Variants in MRC2 observed in about 807,000 individuals in gnomAD.
MRC2 encodes C-type mannose receptor 2.
MRC2 carries 84 observed loss-of-function variants against 206.2 expected under a neutral mutation model. That is an observed-to-expected ratio of 0.41 (90% CI 0.34 to 0.49). The LOEUF is 0.49. MRC2 is among the 20% of genes least tolerant of loss of function. The pLI is 0.31. For missense variants in MRC2, 1,676 were observed against 2,001.5 expected, an observed-to-expected ratio of 0.84 and a Z score of 3.10; for synonymous variants, 798 against 800.0, an observed-to-expected ratio of 1.00 and a Z score of 0.04.
Position 62,692,562 on chromosome 17 carries a change from TG to T in MRC2, c.*114del. On this transcript the variant is annotated 3_prime_UTR_variant, in exon 30 of 30. Transcript: ENST00000303375. The surrounding 1 kb of genome is among the most constrained non-coding windows in gnomAD (Gnocchi z 4.2). The stretch of plus-strand genomic sequence containing the variant: ...CAGTTGGCCTATGGAAGGGTGCCCT[TG>T]GGAGTCGCTGTTGGGAGCCGGAGCT... 1.8e-6 allele frequency: 2 copies of T among 1,118,968 alleles called. No homozygotes were observed. Among genetic ancestry groups the T allele is most frequent in the Non-Finnish European group, 2.5e-6 (2 of 792,450 alleles). The allele number at this position is 1,118,968 out of a possible 1,614,324, so 69.3% of individuals were successfully genotyped here.
chr17:62,646,018 T>C (rs1338480439), intron 1 of MRC2, among the ~76,000 whole-genome samples: 1 of 148,412 alleles, frequency 6.7e-6, no homozygotes, highest in African/African-American at 2.6e-5. Flanking sequence ...TCTCTGTCCT[T>C]TTCTATTTTT....
rs749330836 is a variant in MRC2, at chr17:62,678,586, T to C, written c.2135T>C (p.Leu712Pro). 4.8e-5 allele frequency: 78 copies of C among 1,609,654 alleles called. No homozygotes were observed. Among genetic ancestry groups the C allele is most frequent in the Non-Finnish European group, 6.4e-5 (75 of 1,178,920 alleles). The part of the protein sequence containing the change: ...GACQELGAQL[L>P]SLASYEEEHF... ...TGCCAGGAGCTGGGGGCCCAGCTGCTGAGCCTGGCCAGCTACGAGGAGGAG... is the reference window on the plus strand; with the variant it reads ...TGCCAGGAGCTGGGGGCCCAGCTGCCGAGCCTGGCCAGCTACGAGGAGGAG... The change falls in exon 13 of 30, where the codon CTG (leucine) becomes CCG (proline). Residue 712 changes from leucine (L) to proline (P), a missense_variant. Around this residue, in one of 3 missense-constraint regions of MRC2, gnomAD observed 1,354 missense variants for 1,636.6 expected, o/e 0.83. Transcript: ENST00000303375.
intron 1 of MRC2, among the ~76,000 whole-genome samples, chr17:62,635,191 C>CTTTTTTTTTTTTTT (rs35446845): frequency 9.8e-6 from 1 of 101,764 alleles, no homozygotes; most frequent in African/African-American, 3.8e-5. Context: ...CTATTTTTCT[C>CTTTTTTTTTTTTTT]TTTTTTTTTT....
Position 62,692,665 on chromosome 17 carries a change from T to G in MRC2, c.*214T>G. Reference sequence around the variant, plus strand: ...GACCCAGCTGAGTGCAGCGTGGCGTTTCCCTTTCTGGGGGGGCCTGAGGTC... The same window carrying G: ...GACCCAGCTGAGTGCAGCGTGGCGTGTCCCTTTCTGGGGGGGCCTGAGGTC... On this transcript the variant is annotated 3_prime_UTR_variant, in exon 30 of 30. Transcript: ENST00000303375. The surrounding 1 kb of genome is among the most constrained non-coding windows in gnomAD (Gnocchi z 4.2). The G allele has an allele frequency of 3.6e-6, 2 of 549,612 alleles. No homozygotes were observed. The highest frequency in any genetic ancestry group is 6.5e-6 in the Non-Finnish European group (2 of 308,262). The allele number at this position is 549,612 out of a possible 1,614,324, so 34.0% of individuals were successfully genotyped here.
At chr17:62,689,007 C>T (rs538964501) in intron 23 of MRC2, 47 bp downstream of exon 23, 9 of 1,467,174 alleles carry the variant, frequency 6.1e-6, no homozygotes, top group Admixed American at 5.3e-5. Context: ...GCCCTGGCAC[C>T]GGGCTGGATG....
chr17:62,689,956 G>T lies in MRC2; in HGVS notation c.3636G>T (p.Gly1212=). The stretch of plus-strand genomic sequence containing the variant: ...TGAACTACGTGGGCTGGCAGGACGG[G>T]GAGCCGCAGCAGCCGGGGGGCTGTA... ...EPLNYVGWQD[G]EPQQPGGCTY... is the part of the protein sequence containing the mutation. The change falls in exon 25 of 30, where the codon GGG becomes GGT. Residue 1212 remains glycine (G), a synonymous_variant. Coordinates refer to ENST00000303375, the MANE Select transcript of MRC2 (RefSeq NM_006039.5). 6.2e-7 allele frequency: 1 copy of T among 1,612,050 alleles called. No individual in the cohort carries two copies. Among genetic ancestry groups the T allele is most frequent in the Non-Finnish European group, 8.5e-7 (1 of 1,179,768 alleles).
Position 62,627,820 on chromosome 17 carries a change from G to T in MRC2, c.18G>T (p.Pro6=), listed in dbSNP as rs766166310. Residue 6 remains proline, a synonymous_variant, in exon 1 of 30, where the codon CCG becomes CCT. Transcript: ENST00000303375. MGPGR[P]APAPWPRHLL... ...GCTCGGGGATGGGGCCCGGCCGGCC[G>T]GCCCCCGCGCCCTGGCCTCGTCACC... 1.6e-5 allele frequency: 23 copies of T among 1,447,766 alleles called. No individual in the cohort carries two copies. The highest frequency in any genetic ancestry group is 1.9e-5 in the Non-Finnish European group (21 of 1,108,644). The allele number at this position is 1,447,766 out of a possible 1,614,324, so 89.7% of individuals were successfully genotyped here. A position where few individuals can be genotyped will look rare whatever the true frequency, so the allele number is the denominator to read the frequency against.
chr17:62,671,911 C>G lies in MRC2; in HGVS notation c.1306+74C>G. 1 of 1,601,502 alleles carries G rather than the reference C, an allele frequency of 6.2e-7. No individual in the cohort carries two copies. The highest frequency in any genetic ancestry group is 8.5e-7 in the Non-Finnish European group (1 of 1,171,898). Reference sequence around the variant, plus strand: ...CTGCCCCACCCATCCTGTCCAGGAGCCTCAGAGAATGTTCCTTCCTCCCTA... The same window carrying G: ...CTGCCCCACCCATCCTGTCCAGGAGGCTCAGAGAATGTTCCTTCCTCCCTA... On this transcript the variant is annotated intron_variant, in intron 7 of 29. Transcript: ENST00000303375. The surrounding 1 kb of genome is among the most constrained non-coding windows in gnomAD (Gnocchi z 4.5).
In MRC2 at chr17:62,685,448, CAG is replaced by C. The variant is rs549974416; in HGVS notation, c.2947-2839_2947-2838del. ...GTTCTTTTTCCATCCACTTTTTAAA[CAG>C]AATGTATTTTATATATGTAATAGGT... On this transcript the variant is annotated intron_variant, in intron 20 of 29. Coordinates refer to ENST00000303375, the MANE Select transcript of MRC2 (RefSeq NM_006039.5). 4.3e-3 allele frequency among the ~76,000 whole-genome samples: 656 copies of C among 152,266 alleles called. 7 individuals carry two copies. Among genetic ancestry groups the C allele is most frequent in the African/African-American group, 0.015 (622 of 41,544 alleles).
At chr17:62,686,551 G>T (rs2465440) in intron 20 of MRC2, among the ~76,000 whole-genome samples, 41,939 of 152,054 alleles carry the variant, frequency 0.28, 7,313 homozygotes, top group Non-Finnish European at 0.4. Flanking sequence ...CCTTCGCCCC[G>T]CTGCTCACCT....
At chr17:62,669,085 AACACACAC>A (rs72222842) in intron 6 of MRC2, among the ~76,000 whole-genome samples, 9,560 of 143,116 alleles carry the variant, frequency 0.067, 660 homozygotes, top group African/African-American at 0.16. Context: ...AAAATATGGC[AACACACAC>A]ACACACACAC....
At chr17:62,633,412 GGAATTGCTT>G in intron 1 of MRC2, among the ~76,000 whole-genome samples, 1 of 151,206 alleles carries the variant, frequency 6.6e-6, no homozygotes, top group African/African-American at 2.4e-5. Context: ...CTGAGGCAGG[GGAATTGCTT>G]GAACCCAGGA....
intron 1 of MRC2, among the ~76,000 whole-genome samples, chr17:62,655,921 CTTTT>C (rs1285886325): frequency 1.3e-5 from 2 of 151,972 alleles, no homozygotes; most frequent in Admixed American, 6.6e-5. Flanking sequence ...GCTGTATCTT[CTTTT>C]GATTCCTAGG....
chr17:62,677,960 G>A (rs1425283374), intron 12 of MRC2, among the ~76,000 whole-genome samples: 1 of 152,228 alleles, frequency 6.6e-6, no homozygotes, highest in African/African-American at 2.4e-5. Context: ...TGAGGCAGGA[G>A]AATGGCATGA....
intron 1 of MRC2, among the ~76,000 whole-genome samples, chr17:62,653,011 A>G (rs570684938): frequency 1.3e-5 from 2 of 151,904 alleles, no homozygotes; most frequent in East Asian, 3.9e-4. Flanking sequence ...TGGGGGAGAA[A>G]GGGGTCAAGG....
In MRC2 at chr17:62,675,451, A is replaced by C. The variant is rs1035746981; in HGVS notation, c.1570-339A>C. ...CTTTAGCTGTGGTTTCCCAGCCAAC[A>C]GTAATTTCCCCACTGTGTCTCTTGG... On this transcript the variant is annotated intron_variant, in intron 9 of 29. Coordinates refer to ENST00000303375, the MANE Select transcript of MRC2 (RefSeq NM_006039.5). The surrounding 1 kb of genome is among the most constrained non-coding windows in gnomAD (Gnocchi z 4.1). Among the ~76,000 whole-genome samples, 15 of 152,314 alleles carry C rather than the reference A, an allele frequency of 9.8e-5. No individual in the cohort carries two copies. Among genetic ancestry groups the C allele is most frequent in the African/African-American group, 3.6e-4 (15 of 41,564 alleles).
At chr17:62,687,018 A>G (rs1427830614) in intron 20 of MRC2, among the ~76,000 whole-genome samples, 2 of 152,190 alleles carry the variant, frequency 1.3e-5, no homozygotes, top group East Asian at 3.8e-4. Context: ...AATCCTTAAA[A>G]TGATCCCCAA....
rs2088859755 is a variant in MRC2, at chr17:62,674,080, C to T, written c.1479C>T (p.Asp493=). 1.3e-6 allele frequency: 2 copies of T among 1,552,772 alleles called. No individual in the cohort carries two copies. The highest frequency in any genetic ancestry group is 8.7e-7 in the Non-Finnish European group (1 of 1,147,658). The change falls in exon 9 of 30, where the codon GAC becomes GAT. Residue 493 remains aspartate, a synonymous_variant. Transcript: ENST00000303375. ...GTCCGTAGGAAGGCCGCTGGAACGA[C>T]AGTCCCTGTAACCAGTCCTTGCCAT... ...TIWGPEGRWN[D]SPCNQSLPSI...
chr17:62,687,075 TA>T (rs2089040975), intron 20 of MRC2, among the ~76,000 whole-genome samples: 1 of 152,198 alleles, frequency 6.6e-6, no homozygotes, highest in Non-Finnish European at 1.5e-5. Flanking sequence ...ATTGAGGCCA[TA>T]AGGTTGTCAG....
Sources: gnomAD v4.1 joint callset for allele counts (sites outside exome capture counted in the v4.1 genomes callset) on GRCh38, gnomAD v4.1.1 for gene constraint, gnomAD v4.1.1 regional missense constraint, Gnocchi (gnomAD v3.1) non-coding constraint, MANE v1.5 for transcripts, NCBI Gene and HGNC (gene_info 2026-07-23, HGNC 2026-07-21) for gene names.